Variants in NTN4 observed in about 807,000 individuals in gnomAD.
The protein encoded by NTN4 is netrin-4.
In NTN4, 32 loss-of-function variants were observed where a neutral mutation model predicts 73.6. The ratio of observed to expected loss-of-function variants is 0.44; its 90% CI spans 0.33 to 0.58. The LOEUF (loss-of-function observed/expected upper bound fraction) is 0.58, where lower values mean the gene tolerates loss of function less well. Ranked by LOEUF, NTN4 falls within the 20% of genes least tolerant of loss-of-function variation. The probability of loss-of-function intolerance (pLI) is 0.04; values close to 1 mark genes in which losing one functional copy is unlikely to be tolerated. For synonymous variants in NTN4, 258 were observed against 287.5 expected (o/e 0.90, Z 1.04); for missense variants, 654 against 798.3 (o/e 0.82, Z 2.18).
chr12:95,673,114 G>A, intron 7 of NTN4: 1 of 1,036,930 alleles, frequency 9.6e-7, no homozygotes, highest in Middle Eastern at 3.2e-4. Context: ...CTCCTTGCCT[G>A]GTGTGTCCCT....
intron 7 of NTN4, chr12:95,673,101 A>C (rs1592655644): frequency 8.4e-7 from 1 of 1,196,230 alleles, no homozygotes. Flanking sequence ...CCCCAGGAGC[A>C]CCCTCCTTGC....
chr12:95,773,956 G>A (rs1252502078), intron 2 of NTN4, among the ~76,000 whole-genome samples: 2 of 152,054 alleles, frequency 1.3e-5, no homozygotes, highest in African/African-American at 4.8e-5. Context: ...TGGTACTGAA[G>A]AACTGTGATG....
rs566231021 is a variant in NTN4, at chr12:95,775,995, C to G, written c.585+10944G>C. On this transcript the variant is annotated intron_variant, in intron 2 of 9. Coordinates refer to ENST00000343702, the MANE Select transcript of NTN4 (RefSeq NM_021229.4). The stretch of plus-strand genomic sequence containing the variant: ...AGGAACGATCGGGCAGCAACATTTG[C>G]TGTTCAGCAATATTCGCTGTTCTGT... Among the ~76,000 whole-genome samples the G allele has an allele frequency of 7.2e-5, 11 of 152,368 alleles. No individual in the cohort carries two copies. In the South Asian group the frequency reaches 2.3e-3, roughly 32 times the overall value.
chr12:95,718,617 C>A (rs1013643955), intron 3 of NTN4, among the ~76,000 whole-genome samples: 2 of 143,922 alleles, frequency 1.4e-5, no homozygotes, highest in Non-Finnish European at 3.1e-5. Flanking sequence ...TTGCCACTTA[C>A]CAATGCAGAA....
intron 5 of NTN4, among the ~76,000 whole-genome samples, chr12:95,686,887 AAC>A (rs1314707095): frequency 6.6e-6 from 1 of 152,266 alleles, no homozygotes; most frequent in Non-Finnish European, 1.5e-5. Flanking sequence ...TGTGGTAAGA[AAC>A]ACACACTATA....
chr12:95,683,484 C>A lies in NTN4; in HGVS notation c.1394+14G>T. ...AAATACATGCAGCTGAGAGCAAGAG[C>A]CTTGCACATTCACCTGCTGATGCAG... On this transcript the variant is annotated intron_variant, in intron 6 of 9. Transcript: ENST00000343702. The A allele has an allele frequency of 6.2e-7, 1 of 1,607,564 alleles. No homozygotes were observed. Among genetic ancestry groups the A allele is most frequent in the Non-Finnish European group, 8.5e-7 (1 of 1,174,428 alleles).
intron 2 of NTN4, among the ~76,000 whole-genome samples, chr12:95,752,774 G>A (rs1245551872): frequency 6.6e-6 from 1 of 152,192 alleles, no homozygotes; most frequent in East Asian, 1.9e-4. Flanking sequence ...CAAACAACTT[G>A]ACCTTACTGT....
At chr12:95,742,694 A>T (rs1477284174) in intron 2 of NTN4, among the ~76,000 whole-genome samples, 1 of 152,088 alleles carries the variant, frequency 6.6e-6, no homozygotes, top group Non-Finnish European at 1.5e-5. Flanking sequence ...ACACTGTTCT[A>T]TTGTTGTTGC....
At chr12:95,782,318 CAG>C (rs2079139221) in intron 2 of NTN4, among the ~76,000 whole-genome samples, 1 of 151,094 alleles carries the variant, frequency 6.6e-6, no homozygotes, top group South Asian at 2.1e-4. Flanking sequence ...TTTTTTGAGA[CAG>C]AGTCTCACTC....
intron 5 of NTN4, among the ~76,000 whole-genome samples, chr12:95,686,381 G>A (rs2121003599): frequency 6.6e-6 from 1 of 152,296 alleles, no homozygotes; most frequent in African/African-American, 2.4e-5. Context: ...CAAGCTGAGG[G>A]AATCAGGTGG....
chr12:95,699,838 G>A (rs1404805927), intron 5 of NTN4, among the ~76,000 whole-genome samples: 2 of 152,140 alleles, frequency 1.3e-5, no homozygotes, highest in African/African-American at 4.8e-5. Context: ...GGAAGGGCAT[G>A]CCAATCTTTC....
intron 3 of NTN4, among the ~76,000 whole-genome samples, chr12:95,714,742 T>C (rs994744771): frequency 1.3e-5 from 2 of 152,114 alleles, no homozygotes; most frequent in South Asian, 2.1e-4. Flanking sequence ...ATGGGTGGCA[T>C]TTTTAACAGA....
intron 2 of NTN4, chr12:95,739,946 T>C (rs1479948962): frequency 6.6e-6 from 1 of 152,292 alleles, no homozygotes. Flanking sequence ...TGTCAAGGTC[T>C]GTAGGAACTT....
At chr12:95,747,289 T>C (rs1306254458) in intron 2 of NTN4, among the ~76,000 whole-genome samples, 2 of 152,190 alleles carry the variant, frequency 1.3e-5, no homozygotes, top group African/African-American at 2.4e-5. Context: ...TTTCAAATAA[T>C]TTGTGATACC....
chr12:95,788,623 T>A (rs569228385), intron 1 of NTN4, among the ~76,000 whole-genome samples: 8 of 152,376 alleles, frequency 5.3e-5, no homozygotes, highest in Admixed American at 5.2e-4. Context: ...TAGTAAGGAT[T>A]GGAGGAGGCC....
At chr12:95,746,086 T>C (rs2078860361) in intron 2 of NTN4, among the ~76,000 whole-genome samples, 1 of 152,142 alleles carries the variant, frequency 6.6e-6, no homozygotes, top group South Asian at 2.1e-4. Flanking sequence ...GATTCTCCCT[T>C]AGCTAAGAGA....
intron 5 of NTN4, among the ~76,000 whole-genome samples, chr12:95,698,274 G>C (rs950039169): frequency 1.3e-5 from 2 of 152,156 alleles, no homozygotes; most frequent in Non-Finnish European, 2.9e-5. Context: ...CATAAACATT[G>C]CTAAATTACC....
intron 3 of NTN4, among the ~76,000 whole-genome samples, chr12:95,737,207 C>T (rs774816094): frequency 6.6e-6 from 1 of 152,162 alleles, no homozygotes; most frequent in Non-Finnish European, 1.5e-5. Context: ...TCCTATGTTG[C>T]TATCATTCAA....
In NTN4 at chr12:95,781,312, T is replaced by A. The variant is rs7134361; in HGVS notation, c.585+5627A>T. On this transcript the variant is annotated intron_variant, in intron 2 of 9. Coordinates refer to ENST00000343702, the MANE Select transcript of NTN4 (RefSeq NM_021229.4). The surrounding 1 kb of genome is among the most constrained non-coding windows in gnomAD (Gnocchi z 4.1). ...GAACTTAAAGTATAATAAAAAAATT[T>A]AAAAAACCATACCATTACCATAAAG... Among the ~76,000 whole-genome samples the A allele has an allele frequency of 0.64, 97,920 of 152,040 alleles. 31,838 individuals are homozygous for A. Among genetic ancestry groups the A allele is most frequent in the South Asian group, 0.78 (3,761 of 4,814 alleles).
Sources: gnomAD v4.1 joint callset for allele counts (sites outside exome capture counted in the v4.1 genomes callset) on GRCh38, gnomAD v4.1.1 for gene constraint, Gnocchi (gnomAD v3.1) non-coding constraint, MANE v1.5 for transcripts, NCBI Gene and HGNC (gene_info 2026-07-23, HGNC 2026-07-21) for gene names.